CCDC85A: variants seen among roughly 807,000 people sequenced by gnomAD.
CCDC85A encodes the protein coiled-coil domain-containing protein 85A.
CCDC85A carries 38 observed loss-of-function variants against 50.2 expected under a neutral mutation model. The ratio of observed to expected loss-of-function variants is 0.76; its 90% CI spans 0.58 to 0.99. CCDC85A has a LOEUF of 0.99. Among genes scored for constraint, CCDC85A ranks in the 50% least tolerant of loss-of-function variants. The pLI, the probability that CCDC85A is intolerant of heterozygous loss-of-function variation, is 0.00. For missense variants in CCDC85A, 820 were observed against 742.0 expected (o/e 1.11, Z -1.22); for synonymous variants, 366 against 301.4 (o/e 1.21, Z -2.22).
chr2:56,287,758 A>C (rs1430628269), intron 2 of CCDC85A, among the ~76,000 whole-genome samples: 1 of 152,056 alleles, frequency 6.6e-6, no homozygotes, highest in Non-Finnish European at 1.5e-5. Flanking sequence ...CCATTTTCAA[A>C]TTCTTCCTCT....
intron 2 of CCDC85A, among the ~76,000 whole-genome samples, chr2:56,305,124 A>G (rs1672384933): frequency 6.6e-6 from 1 of 151,756 alleles, no homozygotes. Context: ...AATATAGGAT[A>G]TTATCCTCAG....
chr2:56,376,482 T>G (rs1394300309), intron 5 of CCDC85A, among the ~76,000 whole-genome samples: 1 of 152,210 alleles, frequency 6.6e-6, no homozygotes. Flanking sequence ...TATGGTGTTA[T>G]ACATAAAGCT....
intron 2 of CCDC85A, among the ~76,000 whole-genome samples, chr2:56,294,347 C>G (rs1431770553): frequency 6.6e-6 from 1 of 152,158 alleles, no homozygotes; most frequent in Non-Finnish European, 1.5e-5. Flanking sequence ...GGCTTAATAC[C>G]TAGGTGGTGG....
At chr2:56,320,388 A>G (rs1452521129) in intron 2 of CCDC85A, among the ~76,000 whole-genome samples, 5 of 152,046 alleles carry the variant, frequency 3.3e-5, no homozygotes, top group South Asian at 2.1e-4. Flanking sequence ...TTGATAGACC[A>G]CTAGCAAGAC....
intron 2 of CCDC85A, among the ~76,000 whole-genome samples, chr2:56,286,138 T>C (rs1671434516): frequency 6.6e-6 from 1 of 152,164 alleles, no homozygotes; most frequent in South Asian, 2.1e-4. Context: ...TCAGGCTGCT[T>C]GTATGATTTT....
At chr2:56,292,300 G>A (rs1048247161) in intron 2 of CCDC85A, among the ~76,000 whole-genome samples, 3 of 152,066 alleles carry the variant, frequency 2.0e-5, no homozygotes, top group African/African-American at 7.2e-5. Context: ...AGCCAGGATG[G>A]TCTCAATCTC....
intron 2 of CCDC85A, among the ~76,000 whole-genome samples, chr2:56,238,382 C>T (rs1055545061): frequency 6.6e-6 from 1 of 150,816 alleles, no homozygotes. Context: ...GCAGCACTGC[C>T]CTCCAGCCTA....
intron 2 of CCDC85A, among the ~76,000 whole-genome samples, chr2:56,339,881 T>A (rs1256133260): frequency 6.6e-6 from 1 of 152,222 alleles, no homozygotes; most frequent in African/African-American, 2.4e-5. Flanking sequence ...ATAACTTTGC[T>A]ATTCATTTAT....
chr2:56,385,584 G>A lies in CCDC85A; in HGVS notation c.*1229G>A, dbSNP rs925469806. On this transcript the variant is annotated 3_prime_UTR_variant, in exon 6 of 6. Coordinates refer to ENST00000407595, the MANE Select transcript of CCDC85A (RefSeq NM_001080433.2). ...ATGCTACGTTTTTATGGTAGTTTAA[G>A]ATTATAAAAGTAGAAATGCAACAAT... is the stretch of plus-strand genomic sequence containing the variant. 6.7e-6 allele frequency: 1 copy of A among 150,236 alleles called. No individual in the cohort carries two copies. The highest frequency in any genetic ancestry group is 1.9e-4 in the East Asian group (1 of 5,154). The allele number at this position is 150,236 out of a possible 1,614,324, so 9.3% of individuals were successfully genotyped here.
intron 5 of CCDC85A, among the ~76,000 whole-genome samples, chr2:56,378,520 A>G (rs1335573794): frequency 1.3e-5 from 2 of 152,238 alleles, no homozygotes; most frequent in African/African-American, 4.8e-5. Flanking sequence ...TTCTATGAAT[A>G]TTCACCAAGC....
At chr2:56,294,795 T>C (rs746976177) in intron 2 of CCDC85A, among the ~76,000 whole-genome samples, 3 of 152,220 alleles carry the variant, frequency 2.0e-5, no homozygotes, top group Non-Finnish European at 2.9e-5. Context: ...TTTAAAACTC[T>C]TAAGTCACTA....
chr2:56,210,263 G>T (rs1677129246), intron 2 of CCDC85A, among the ~76,000 whole-genome samples: 1 of 152,088 alleles, frequency 6.6e-6, no homozygotes, highest in Admixed American at 6.6e-5. Flanking sequence ...GTCCCAAATG[G>T]TGTTTTGACA....
chr2:56,295,515 T>C (rs1409571610), intron 2 of CCDC85A, among the ~76,000 whole-genome samples: 1 of 152,204 alleles, frequency 6.6e-6, no homozygotes, highest in African/African-American at 2.4e-5. Context: ...AAGGTTGATC[T>C]CTTTGTGAAA....
In CCDC85A at chr2:56,184,630, G is replaced by A. The variant is rs1675913743; in HGVS notation, c.6G>A (p.Ser2=). 3 of 1,426,386 alleles carry A rather than the reference G, an allele frequency of 2.1e-6. No homozygotes were observed. The highest frequency in any genetic ancestry group is 6.3e-5 in the Admixed American group (2 of 31,848). 88.4% of individuals were successfully genotyped at this position (1,426,386 alleles called of 1,614,324 possible). A position where few individuals can be genotyped will look rare whatever the true frequency, so the allele number is the denominator to read the frequency against. The change falls in exon 1 of 6, where the codon TCG becomes TCA. Residue 2 remains serine, a synonymous_variant. Transcript: ENST00000407595. ...CCTGCCACCCCGCGGATACCATGTC[G>A]AAGGCGGCCGGAGGCGCGGCGGCGG... M[S]KAAGGAAAAA... is the part of the protein sequence containing the mutation.
At position 56,239,239 on chromosome 2, in the gene CCDC85A, T is replaced by C. The variant is rs1410896371; in HGVS notation, c.1240+45799T>C. ...AGCTTGTTTGGGTCAGAAAAAGAAA[T>C]AATTAAATGTCCTATGCTCAAGGTA... On this transcript the variant is annotated intron_variant, in intron 2 of 5. Coordinates refer to ENST00000407595, the MANE Select transcript of CCDC85A (RefSeq NM_001080433.2). Among the ~76,000 whole-genome samples the C allele has an allele frequency of 2.0e-5, 3 of 152,132 alleles. No homozygotes were observed. In the East Asian group the frequency reaches 5.8e-4, roughly 29 times the overall value.
chr2:56,284,921 T>G (rs925938141), intron 2 of CCDC85A, among the ~76,000 whole-genome samples: 8 of 152,162 alleles, frequency 5.3e-5, no homozygotes, highest in Admixed American at 3.3e-4. Flanking sequence ...CCACACCAGC[T>G]TTCTTATGCA....
intron 2 of CCDC85A, among the ~76,000 whole-genome samples, chr2:56,226,610 A>C (rs1668552602): frequency 1.3e-5 from 2 of 151,940 alleles, no homozygotes; most frequent in African/African-American, 2.4e-5. Flanking sequence ...TTTTAGCTTC[A>C]TTACATTTGG....
chr2:56,335,636 C>A (rs1405001287), intron 2 of CCDC85A, among the ~76,000 whole-genome samples: 1 of 151,266 alleles, frequency 6.6e-6, no homozygotes, highest in African/African-American at 2.4e-5. Flanking sequence ...TAGTCTTGCC[C>A]TGTCACTCAG....
intron 2 of CCDC85A, among the ~76,000 whole-genome samples, chr2:56,235,504 A>G (rs1318758829): frequency 6.6e-6 from 1 of 152,164 alleles, no homozygotes; most frequent in Non-Finnish European, 1.5e-5. Flanking sequence ...AAAAAAAATC[A>G]ATGAGAGAAG....
Sources: gnomAD v4.1 joint callset for allele counts (sites outside exome capture counted in the v4.1 genomes callset) on GRCh38, gnomAD v4.1.1 for gene constraint, MANE v1.5 for transcripts, NCBI Gene and HGNC (gene_info 2026-07-23, HGNC 2026-07-21) for gene names.